The following DNMT3A variants were observed in gnomAD, a reference collection of about 807,000 sequenced individuals.
DNMT3A encodes DNA methyltransferase 3 alpha, also known as DNA (cytosine-5)-methyltransferase 3A.
A neutral mutation model predicts 117.6 loss-of-function variants in DNMT3A; 267 were observed. The observed-to-expected ratio is 2.27, with a 90% CI of 2.05 to 2.51. The LOEUF (loss-of-function observed/expected upper bound fraction) is 2.51, where lower values mean the gene tolerates loss of function less well. Ranked by LOEUF, DNMT3A falls within the 30% of genes most tolerant of loss-of-function variation. The pLI, the probability that DNMT3A is intolerant of heterozygous loss-of-function variation, is 0.00. For synonymous variants in DNMT3A, 432 were observed against 474.8 expected (o/e 0.91, Z 1.17); for missense variants, 1,029 against 1,260.2 (o/e 0.82, Z 2.78).
chr2:25,310,258 C>T (rs2034035144), intron 2 of DNMT3A, among the ~76,000 whole-genome samples: 1 of 151,870 alleles, frequency 6.6e-6, no homozygotes, highest in South Asian at 2.1e-4. Flanking sequence ...GTCCCCTGTC[C>T]TGCTCCCTCT....
At chr2:25,315,424 A>G (rs1413987825) in intron 1 of DNMT3A, among the ~76,000 whole-genome samples, 3 of 152,320 alleles carry the variant, frequency 2.0e-5, no homozygotes, top group African/African-American at 4.8e-5. Context: ...AAAGGCTTGA[A>G]GCGGACCTGC....
intron 3 of DNMT3A, 84 bp downstream of exon 3, chr2:25,300,055 A>T: frequency 2.1e-6 from 3 of 1,436,144 alleles, no homozygotes; most frequent in Admixed American, 2.0e-5. Flanking sequence ...AGGTCCCTGC[A>T]GGACATACAT....
intron 1 of DNMT3A, among the ~76,000 whole-genome samples, chr2:25,331,043 G>A (rs910352527): frequency 8.6e-4 from 131 of 152,268 alleles, no homozygotes; most frequent in African/African-American, 3.1e-3. Context: ...AGGGAGGGAA[G>A]GAAAAAATAT....
At chr2:25,299,278 G>A (rs2033281581) in intron 3 of DNMT3A, among the ~76,000 whole-genome samples, 1 of 152,152 alleles carries the variant, frequency 6.6e-6, no homozygotes. Flanking sequence ...CCAGAAGCCT[G>A]GCGCTGGGGC....
intron 1 of DNMT3A, chr2:25,314,505 C>T (rs759034009): frequency 4.1e-5 from 39 of 948,884 alleles, no homozygotes; most frequent in Non-Finnish European, 4.6e-5. Flanking sequence ...CCCACCCCAA[C>T]CAGCCCCTGG....
At position 25,246,790 on chromosome 2, in the gene DNMT3A, C is replaced by T. The variant is rs749133132; in HGVS notation, c.1123-14G>A. 3.7e-6 allele frequency: 6 copies of T among 1,611,722 alleles called. No homozygotes were observed. Among genetic ancestry groups the T allele is most frequent in the South Asian group, 1.1e-5 (1 of 90,888 alleles). On this transcript the variant is annotated splice_polypyrimidine_tract_variant and intron_variant, in intron 9 of 22. Transcript: ENST00000321117. The stretch of plus-strand genomic sequence containing the variant: ...GCTGCTGGCCACCTGGAGGGTGACA[C>T]GCCAGGGTTGGGGTTGTCAGGACAG...
chr2:25,331,296 G>T (rs1312708463), intron 1 of DNMT3A, among the ~76,000 whole-genome samples: 2 of 152,178 alleles, frequency 1.3e-5, no homozygotes, highest in Admixed American at 1.3e-4. Flanking sequence ...CATGGCTCAC[G>T]TCATTTTTTG....
intron 6 of DNMT3A, among the ~76,000 whole-genome samples, chr2:25,269,363 T>C (rs2030660579): frequency 6.6e-6 from 1 of 152,052 alleles, no homozygotes; most frequent in African/African-American, 2.4e-5. Context: ...GTTACAGGGA[T>C]TCAGGGAAGG....
intron 1 of DNMT3A, among the ~76,000 whole-genome samples, chr2:25,325,752 A>T (rs535663235): frequency 3.9e-5 from 6 of 152,346 alleles, no homozygotes; most frequent in African/African-American, 1.4e-4. Flanking sequence ...TACCAAGGAG[A>T]AAACTGGATT....
At position 25,282,424 on chromosome 2, in the gene DNMT3A, T is replaced by A. The variant is rs1272894258; in HGVS notation, c.448+17A>T. 1.9e-6 allele frequency: 3 copies of A among 1,610,016 alleles called. No individual in the cohort carries two copies. In the African/African-American group the frequency reaches 4.0e-5, roughly 21 times the overall value. On this transcript the variant is annotated intron_variant, in intron 4 of 22. Transcript: ENST00000321117. The surrounding 1 kb of genome is among the most constrained non-coding windows in gnomAD (Gnocchi z 5.2). ...TGGTGGGCCCAGAAGAGGCTGCCCC[T>A]GGTGCTGAGGACTCACCCGCTTCTG...
chr2:25,281,710 C>T lies in DNMT3A; in HGVS notation c.448+731G>A. ...AAATGCTAGTTGTCCTCATTACTAA[C>T]ATGTTTACAGCTCGGTTGGCCCTGA... On this transcript the variant is annotated intron_variant, in intron 4 of 22. Transcript: ENST00000321117. This position sits in a 1 kb window ranked among gnomAD's most constrained non-coding sequence, Gnocchi z 4.8. 9.4e-7 allele frequency: 1 copy of T among 1,065,852 alleles called. No homozygotes were observed. The highest frequency in any genetic ancestry group is 1.1e-6 in the Non-Finnish European group (1 of 879,592). The allele number at this position is 1,065,852 out of a possible 1,614,324, so 66.0% of individuals were successfully genotyped here.
rs1448253651 is a variant in DNMT3A, at chr2:25,294,883, C to T, written c.177+5256G>A. On this transcript the variant is annotated intron_variant, in intron 3 of 22. Coordinates refer to ENST00000321117, the MANE Select transcript of DNMT3A (RefSeq NM_022552.5). The surrounding 1 kb of genome is among the most constrained non-coding windows in gnomAD (Gnocchi z 4.7). ...GCTCAGCACCAGCGCCCAGCCCCCTCCTCCTCCTCCCTCCCATTCTGGGTT... is the reference window on the plus strand; with the variant it reads ...GCTCAGCACCAGCGCCCAGCCCCCTTCTCCTCCTCCCTCCCATTCTGGGTT... 6.6e-6 allele frequency among the ~76,000 whole-genome samples: 1 copy of T among 152,160 alleles called. No homozygotes were observed. The highest frequency in any genetic ancestry group is 1.5e-5 in the Non-Finnish European group (1 of 68,028).
chr2:25,252,122 T>C lies in DNMT3A; in HGVS notation c.640-3870A>G. ...TTCACTCTTTTCAAACCCGGAGGGCTGCGGAGATCCTCCCACCGGCCCTGC... is the reference window on the plus strand; with the variant it reads ...TTCACTCTTTTCAAACCCGGAGGGCCGCGGAGATCCTCCCACCGGCCCTGC... On this transcript the variant is annotated intron_variant, in intron 6 of 22. Coordinates refer to ENST00000321117, the MANE Select transcript of DNMT3A (RefSeq NM_022552.5). The surrounding 1 kb of genome is among the most constrained non-coding windows in gnomAD (Gnocchi z 5.5). 6.5e-7 allele frequency: 1 copy of C among 1,527,328 alleles called. No homozygotes were observed. Among genetic ancestry groups the C allele is most frequent in the Non-Finnish European group, 8.8e-7 (1 of 1,133,070 alleles). 94.6% of individuals were successfully genotyped at this position (1,527,328 alleles called of 1,614,324 possible). A position where few individuals can be genotyped will look rare whatever the true frequency, so the allele number is the denominator to read the frequency against.
chr2:25,246,480 A>G, intron 10 of DNMT3A, 140 bp downstream of exon 10: 1 of 1,436,978 alleles, frequency 7.0e-7, no homozygotes, highest in South Asian at 1.4e-5. Flanking sequence ...TCCTGACCCC[A>G]GGGCAAGAGA....
intron 3 of DNMT3A, among the ~76,000 whole-genome samples, chr2:25,292,026 G>A (rs1251952341): frequency 6.6e-6 from 1 of 152,008 alleles, no homozygotes; most frequent in Non-Finnish European, 1.5e-5. Flanking sequence ...AGGCCGAGGC[G>A]GGCGGATCAT....
At chr2:25,261,855 C>CGTCCCCT (rs752236539) in intron 6 of DNMT3A, among the ~76,000 whole-genome samples, 2 of 151,922 alleles carry the variant, frequency 1.3e-5, no homozygotes, top group Non-Finnish European at 2.9e-5. Flanking sequence ...CCTGCCTGTG[C>CGTCCCCT]GTCCCCTCCA....
chr2:25,320,765 C>CAT (rs1433162194), intron 1 of DNMT3A, among the ~76,000 whole-genome samples: 1 of 152,048 alleles, frequency 6.6e-6, no homozygotes, highest in East Asian at 1.9e-4. Context: ...TGTGTGTGTA[C>CAT]ATATATATGT....
chr2:25,321,018 G>T (rs556149714), intron 1 of DNMT3A, among the ~76,000 whole-genome samples: 56 of 152,182 alleles, frequency 3.7e-4, no homozygotes, highest in Non-Finnish European at 6.8e-4. Flanking sequence ...TGTAATCCCA[G>T]CTACTCGGGA....
In DNMT3A at chr2:25,234,237, T is replaced by C; in HGVS notation, c.*42A>G. ...TTATGTTTTGTGTTTTTTGTTTGTT[T>C]GTTTAACTTTGTGTCGCTACCTCAG... On this transcript the variant is annotated 3_prime_UTR_variant, in exon 23 of 23. Coordinates refer to ENST00000321117, the MANE Select transcript of DNMT3A (RefSeq NM_022552.5). This position sits in a 1 kb window ranked among gnomAD's most constrained non-coding sequence, Gnocchi z 4.5. 6.4e-7 allele frequency: 1 copy of C among 1,570,566 alleles called. No homozygotes were observed. The highest frequency in any genetic ancestry group is 8.7e-7 in the Non-Finnish European group (1 of 1,152,620).
Sources: gnomAD v4.1 joint callset for allele counts (sites outside exome capture counted in the v4.1 genomes callset) on GRCh38, gnomAD v4.1.1 for gene constraint, Gnocchi (gnomAD v3.1) non-coding constraint, MANE v1.5 for transcripts, NCBI Gene and HGNC (gene_info 2026-07-23, HGNC 2026-07-21) for gene names.